XKR4: variants seen among roughly 807,000 people sequenced by gnomAD.
XKR4 encodes the protein XK-related protein 4.
A neutral mutation model predicts 53.9 loss-of-function variants in XKR4; 12 were observed. The observed-to-expected ratio is 0.22, with a 90% CI of 0.14 to 0.36. XKR4 has a LOEUF of 0.36. Ranked by LOEUF, XKR4 falls within the 10% of genes least tolerant of loss-of-function variation. The probability of loss-of-function intolerance (pLI) is 1.00; values close to 1 mark genes in which losing one functional copy is unlikely to be tolerated. For missense variants in XKR4, 799 were observed against 859.5 expected (o/e 0.93, Z 0.88); for synonymous variants, 354 against 362.4 (o/e 0.98, Z 0.26).
chr8:55,308,751 GC>G (rs1214968422), intron 1 of XKR4, among the ~76,000 whole-genome samples: 1 of 152,156 alleles, frequency 6.6e-6, no homozygotes, highest in East Asian at 1.9e-4. Flanking sequence ...ACTGGAATCA[GC>G]CCAGACATCC....
intron 1 of XKR4, among the ~76,000 whole-genome samples, chr8:55,136,134 C>T (rs538986409): frequency 5.6e-4 from 85 of 152,192 alleles, no homozygotes; most frequent in African/African-American, 1.9e-3. Context: ...CCTTGTGATC[C>T]GCCCCCCTTC....
intron 1 of XKR4, among the ~76,000 whole-genome samples, chr8:55,326,524 G>T (rs1243176559): frequency 7.4e-6 from 1 of 135,658 alleles, no homozygotes; most frequent in Non-Finnish European, 1.5e-5. Context: ...AGGTTGGAGT[G>T]CAGTGGCCCA....
intron 2 of XKR4, among the ~76,000 whole-genome samples, chr8:55,369,890 A>G (rs1232405821): frequency 1.3e-5 from 2 of 152,180 alleles, no homozygotes; most frequent in Non-Finnish European, 2.9e-5. Flanking sequence ...ATGCTATGAT[A>G]AACACTTTAA....
rs1161454265 is a variant in XKR4, at chr8:55,450,556, G to A, written c.1007-72725G>A. On this transcript the variant is annotated intron_variant, in intron 2 of 2. Coordinates refer to ENST00000327381, the MANE Select transcript of XKR4 (RefSeq NM_052898.2). ...AGGTCTAGAAACAGCGGGACACGTGGTGGTAGCCGAGGAACTTGAGATAGA... is the reference window on the plus strand; with the variant it reads ...AGGTCTAGAAACAGCGGGACACGTGATGGTAGCCGAGGAACTTGAGATAGA... The A allele has an allele frequency of 4.3e-6, 3 of 702,012 alleles. No homozygotes were observed. In the African/African-American group the frequency reaches 5.5e-5, roughly 13 times the overall value. The allele number at this position is 702,012 out of a possible 1,614,324, so 43.5% of individuals were successfully genotyped here.
At chr8:55,468,893 G>A (rs1421655071) in intron 2 of XKR4, among the ~76,000 whole-genome samples, 1 of 151,974 alleles carries the variant, frequency 6.6e-6, no homozygotes, top group East Asian at 1.9e-4. Context: ...TTCATTTTCA[G>A]ATTCTGACTA....
chr8:55,512,106 T>G (rs1468838628), intron 2 of XKR4, among the ~76,000 whole-genome samples: 1 of 152,204 alleles, frequency 6.6e-6, no homozygotes, highest in Non-Finnish European at 1.5e-5. Flanking sequence ...TGAAGTCAAG[T>G]GACTCACCCA....
intron 2 of XKR4, among the ~76,000 whole-genome samples, chr8:55,376,544 A>G (rs1257794165): frequency 6.6e-6 from 1 of 151,988 alleles, no homozygotes; most frequent in East Asian, 1.9e-4. Context: ...GTGTCTGTTC[A>G]TGTTCTTTGC....
chr8:55,237,208 A>G (rs1315393341), intron 1 of XKR4, among the ~76,000 whole-genome samples: 2 of 152,214 alleles, frequency 1.3e-5, no homozygotes, highest in East Asian at 3.8e-4. Context: ...AACAGAGAAT[A>G]CAGTTGACCT....
At chr8:55,450,320 C>G in intron 2 of XKR4, 1 of 727,880 alleles carries the variant, frequency 1.4e-6, no homozygotes, top group East Asian at 2.9e-5. Flanking sequence ...ATCTCCTCAG[C>G]GCAGAAGTCC....
At chr8:55,510,207 G>A (rs1405317978) in intron 2 of XKR4, among the ~76,000 whole-genome samples, 4 of 152,086 alleles carry the variant, frequency 2.6e-5, no homozygotes, top group Non-Finnish European at 5.9e-5. Flanking sequence ...GGGACAAAAC[G>A]GCTTCCTGAG....
chr8:55,153,030 G>A (rs117824490), intron 1 of XKR4, among the ~76,000 whole-genome samples: 1 of 152,290 alleles, frequency 6.6e-6, no homozygotes, highest in Non-Finnish European at 1.5e-5. Flanking sequence ...TCCAGGGGAT[G>A]TCATTGGACT....
At chr8:55,301,898 C>G (rs1819205611) in intron 1 of XKR4, among the ~76,000 whole-genome samples, 1 of 152,082 alleles carries the variant, frequency 6.6e-6, no homozygotes, top group African/African-American at 2.4e-5. Flanking sequence ...GATATTAGCC[C>G]TTTGTCAGAT....
chr8:55,391,421 T>C (rs1179427092), intron 2 of XKR4, among the ~76,000 whole-genome samples: 1 of 152,200 alleles, frequency 6.6e-6, no homozygotes, highest in African/African-American at 2.4e-5. Context: ...GAGCATAATG[T>C]ACGTTTAAAA....
intron 1 of XKR4, among the ~76,000 whole-genome samples, chr8:55,278,616 A>T (rs1208793730): frequency 6.6e-6 from 1 of 152,166 alleles, no homozygotes; most frequent in Non-Finnish European, 1.5e-5. Flanking sequence ...TAGATTCAGA[A>T]CTCAAGTTCA....
chr8:55,352,122 T>G (rs1254638466), intron 1 of XKR4, among the ~76,000 whole-genome samples: 1 of 152,246 alleles, frequency 6.6e-6, no homozygotes, highest in Non-Finnish European at 1.5e-5. Flanking sequence ...ATAATGTTAT[T>G]TTTCCCTAGT....
chr8:55,348,751 G>T (rs1309398085), intron 1 of XKR4, among the ~76,000 whole-genome samples: 3 of 151,354 alleles, frequency 2.0e-5, no homozygotes, highest in Non-Finnish European at 4.4e-5. Flanking sequence ...AAAAGAGACA[G>T]AAAGATACAG....
intron 1 of XKR4, among the ~76,000 whole-genome samples, chr8:55,112,560 A>G (rs1313816547): frequency 2.8e-5 from 1 of 36,340 alleles, no homozygotes. Flanking sequence ...TTTACTTTTC[A>G]GGTTTTTTTT....
At chr8:55,175,961 G>T (rs7821964) in intron 1 of XKR4, among the ~76,000 whole-genome samples, 32,825 of 152,062 alleles carry the variant, frequency 0.22, 3,780 homozygotes, top group East Asian at 0.28. Context: ...TGGTCAGTTT[G>T]CACTCTATAG....
intron 2 of XKR4, among the ~76,000 whole-genome samples, chr8:55,507,376 G>A (rs1325298326): frequency 6.6e-6 from 1 of 151,012 alleles, no homozygotes; most frequent in Non-Finnish European, 1.5e-5. Context: ...TATACTTTAA[G>A]TTTTAGGGTA....
Sources: gnomAD v4.1 joint callset for allele counts (sites outside exome capture counted in the v4.1 genomes callset) on GRCh38, gnomAD v4.1.1 for gene constraint, MANE v1.5 for transcripts, NCBI Gene and HGNC (gene_info 2026-07-23, HGNC 2026-07-21) for gene names.